The following FAF1 variants were observed in gnomAD, a reference collection of about 807,000 sequenced individuals.
FAF1 encodes FAS-associated factor 1.
FAF1 carries 25 observed loss-of-function variants against 92.5 expected under a neutral mutation model. The observed-to-expected ratio is 0.27, with a 90% CI of 0.20 to 0.38. FAF1 has a LOEUF of 0.38. FAF1 is among the 10% of genes least tolerant of loss of function. FAF1 has a pLI of 1.00. For missense variants in FAF1, 636 were observed against 793.3 expected, an observed-to-expected ratio of 0.80 and a Z score of 2.38; for synonymous variants, 234 against 273.2, an observed-to-expected ratio of 0.86 and a Z score of 1.42.
At chr1:50,732,054 A>T (rs1433517613) in intron 6 of FAF1, among the ~76,000 whole-genome samples, 2 of 151,840 alleles carry the variant, frequency 1.3e-5, no homozygotes, top group Non-Finnish European at 1.5e-5. Context: ...ATGTATTGCT[A>T]AATACATTAT....
chr1:50,702,597 G>C (rs896114322), intron 7 of FAF1, among the ~76,000 whole-genome samples: 1 of 151,882 alleles, frequency 6.6e-6, no homozygotes, highest in Non-Finnish European at 1.5e-5. Flanking sequence ...TCCCCAACCA[G>C]GAGGATAATG....
intron 1 of FAF1, among the ~76,000 whole-genome samples, chr1:50,911,901 G>A (rs1450323777): frequency 6.6e-6 from 1 of 151,952 alleles, no homozygotes; most frequent in African/African-American, 2.4e-5. Flanking sequence ...ATCAGGCATG[G>A]TGGCATGCCC....
intron 7 of FAF1, among the ~76,000 whole-genome samples, chr1:50,666,185 A>G (rs1009298166): frequency 1.1e-4 from 16 of 151,154 alleles, no homozygotes; most frequent in Non-Finnish European, 2.1e-4. Context: ...AATTGCTGGG[A>G]TTACAGGCAT....
chr1:50,515,196 T>C (rs1647201795), intron 15 of FAF1, among the ~76,000 whole-genome samples: 1 of 152,182 alleles, frequency 6.6e-6, no homozygotes, highest in Non-Finnish European at 1.5e-5. Context: ...TATTATGGTT[T>C]AGTCATTTTA....
At chr1:50,646,581 T>C (rs1317215691) in intron 8 of FAF1, among the ~76,000 whole-genome samples, 2 of 152,210 alleles carry the variant, frequency 1.3e-5, no homozygotes, top group Non-Finnish European at 2.9e-5. Context: ...GGAATACAAG[T>C]ATACAAATTA....
intron 15 of FAF1, among the ~76,000 whole-genome samples, chr1:50,525,473 G>A (rs1243794496): frequency 6.6e-6 from 1 of 152,118 alleles, no homozygotes; most frequent in Non-Finnish European, 1.5e-5. Context: ...AATCTCTAGG[G>A]TTTTCTCATG....
intron 8 of FAF1, among the ~76,000 whole-genome samples, chr1:50,609,733 A>G (rs1652603931): frequency 1.3e-5 from 2 of 151,926 alleles, no homozygotes; most frequent in African/African-American, 2.4e-5. Context: ...TAAACCAACC[A>G]GGCTGACTTG....
At chr1:50,485,219 C>T (rs970106584) in intron 17 of FAF1, among the ~76,000 whole-genome samples, 2 of 151,872 alleles carry the variant, frequency 1.3e-5, no homozygotes, top group Non-Finnish European at 2.9e-5. Context: ...CCTCGGCCTC[C>T]CAAGTAGCTG....
intron 2 of FAF1, among the ~76,000 whole-genome samples, chr1:50,843,348 G>C (rs1644271583): frequency 6.6e-6 from 1 of 152,086 alleles, no homozygotes; most frequent in South Asian, 2.1e-4. Context: ...TAAAATCTGG[G>C]TAATTGGGAT....
At chr1:50,484,629 A>AT (rs1017148981) in intron 17 of FAF1, among the ~76,000 whole-genome samples, 2 of 152,144 alleles carry the variant, frequency 1.3e-5, no homozygotes, top group African/African-American at 4.8e-5. Context: ...GATGATTATA[A>AT]TTATGGCCCA....
At chr1:50,704,357 C>T (rs980495608) in intron 7 of FAF1, among the ~76,000 whole-genome samples, 1 of 152,072 alleles carries the variant, frequency 6.6e-6, no homozygotes, top group African/African-American at 2.4e-5. Context: ...TATATTTATT[C>T]ATCATACATT....
At chr1:50,780,157 G>A (rs1661117392) in intron 4 of FAF1, among the ~76,000 whole-genome samples, 1 of 152,128 alleles carries the variant, frequency 6.6e-6, no homozygotes, top group Non-Finnish European at 1.5e-5. Context: ...AAGACATAAA[G>A]TAGGTGAATG....
chr1:50,638,773 A>G (rs994409095), intron 8 of FAF1, among the ~76,000 whole-genome samples: 4 of 152,120 alleles, frequency 2.6e-5, no homozygotes, highest in East Asian at 3.9e-4. Context: ...GAGTCCTTCT[A>G]TCAGGCTGGG....
At chr1:50,927,122 G>A (rs962044008) in intron 1 of FAF1, among the ~76,000 whole-genome samples, 4 of 152,172 alleles carry the variant, frequency 2.6e-5, no homozygotes, top group South Asian at 2.1e-4. Flanking sequence ...GGGAGTTAAC[G>A]TTTAATCAAT....
chr1:50,689,382 A>C (rs1656814546), intron 7 of FAF1, among the ~76,000 whole-genome samples: 1 of 152,180 alleles, frequency 6.6e-6, no homozygotes, highest in South Asian at 2.1e-4. Flanking sequence ...CAGGAGATAC[A>C]GACCATCCTC....
At chr1:50,812,008 C>T (rs1459242678) in intron 2 of FAF1, among the ~76,000 whole-genome samples, 1 of 152,120 alleles carries the variant, frequency 6.6e-6, no homozygotes. Flanking sequence ...GCTGGTTAGT[C>T]ATATACAGAA....
At chr1:50,766,104 T>G (rs1034541097) in intron 4 of FAF1, among the ~76,000 whole-genome samples, 3 of 151,400 alleles carry the variant, frequency 2.0e-5, no homozygotes, top group African/African-American at 7.3e-5. Flanking sequence ...AAAAAAAAAG[T>G]AAAATGAGAC....
chr1:50,817,676 T>A (rs1179457521), intron 2 of FAF1, among the ~76,000 whole-genome samples: 1 of 152,174 alleles, frequency 6.6e-6, no homozygotes, highest in Non-Finnish European at 1.5e-5. Context: ...AAAAAGATTT[T>A]AAAAAATTTA....
intron 4 of FAF1, among the ~76,000 whole-genome samples, chr1:50,770,229 A>G (rs1028907504): frequency 1.3e-5 from 2 of 152,212 alleles, no homozygotes; most frequent in Non-Finnish European, 2.9e-5. Context: ...TCTATTCAAC[A>G]TATACAGCAC....
Sources: gnomAD v4.1 joint callset for allele counts (sites outside exome capture counted in the v4.1 genomes callset) on GRCh38, gnomAD v4.1.1 for gene constraint, MANE v1.5 for transcripts, NCBI Gene and HGNC (gene_info 2026-07-23, HGNC 2026-07-21) for gene names.